The following MECR variants were observed in gnomAD, a reference collection of about 807,000 sequenced individuals.
MECR encodes enoyl-[acyl-carrier-protein] reductase, mitochondrial.
MECR carries 37 observed loss-of-function variants against 49.1 expected under a neutral mutation model. The ratio of observed to expected loss-of-function variants is 0.75; its 90% CI spans 0.58 to 0.99. The LOEUF (loss-of-function observed/expected upper bound fraction) is 0.99. MECR is among the 50% of genes least tolerant of loss of function. MECR has a pLI of 0.00. For synonymous variants in MECR, 198 were observed against 191.1 expected (o/e 1.04, Z -0.30); for missense variants, 470 against 479.6 (o/e 0.98, Z 0.19).
At chr1:29,174,877 T>C in the MECR span, among the ~76,000 whole-genome samples, 1 of 151,562 alleles carries the variant, frequency 6.6e-6, no homozygotes, top group Non-Finnish European at 1.5e-5. Context: ...TTTCACCATG[T>C]TGGCCAGGAT....
chr1:29,197,331 T>A (rs1171795053), intron 7 of MECR, among the ~76,000 whole-genome samples: 1 of 152,098 alleles, frequency 6.6e-6, no homozygotes, highest in African/African-American at 2.4e-5. Flanking sequence ...AGAATCAACG[T>A]GAGGAAACAG....
rs759499131 is a variant in MECR, at chr1:29,230,825, C to T, written c.82G>A (p.Gly28Arg). 4 of 1,608,102 alleles carry T rather than the reference C, an allele frequency of 2.5e-6. No homozygotes were observed. The East Asian group carries it at 6.7e-5, about 27-fold the overall frequency. ...RGLLPASGCH[G>R]PAASSYSASA... ...GCGGAGTAGGAGGAGGCGGCAGGTC[C>T]GTGACAGCCAGAAGCTGGGAGCAGC... Residue 28 changes from glycine (G) to arginine (R), a missense_variant, in exon 1 of 10, where the codon GGA becomes AGA. Gly to Arg is a moderately radical substitution (Grantham distance 125). Coordinates refer to ENST00000263702, the MANE Select transcript of MECR (RefSeq NM_016011.5).
At chr1:29,216,450 A>ACAGC (rs1679429450) in intron 2 of MECR, 138 bp downstream of exon 2, 2 of 932,494 alleles carry the variant, frequency 2.1e-6, no homozygotes, top group Admixed American at 3.9e-5. Flanking sequence ...CAGGGCTGAC[A>ACAGC]CAGCCTGCAG....
the MECR span, among the ~76,000 whole-genome samples, chr1:29,183,041 G>C: frequency 1.3e-3 from 199 of 152,218 alleles, no homozygotes; most frequent in Non-Finnish European, 2.1e-3. Context: ...TTCTTTGCTT[G>C]TTTTTGTTTT....
rs181349583 is a variant in MECR, at chr1:29,199,473, C to T, written c.830+1043G>A. Among the ~76,000 whole-genome samples, 323 of 151,758 alleles carry T rather than the reference C, an allele frequency of 2.1e-3. 2 individuals are homozygous for T. The highest frequency in any genetic ancestry group is 7.1e-3 in the African/African-American group (295 of 41,414). Reference sequence around the variant, plus strand: ...CGATCTCCTGATCTCGTGATCTGCCCGCCTCAGCCTCCCAAAGTGCTGGGA... The same window carrying T: ...CGATCTCCTGATCTCGTGATCTGCCTGCCTCAGCCTCCCAAAGTGCTGGGA... On this transcript the variant is annotated intron_variant, in intron 7 of 9. Coordinates refer to ENST00000263702, the MANE Select transcript of MECR (RefSeq NM_016011.5).
At chr1:29,203,870 G>A (rs540527041) in intron 4 of MECR, among the ~76,000 whole-genome samples, 4 of 152,326 alleles carry the variant, frequency 2.6e-5, no homozygotes, top group African/African-American at 7.2e-5. Context: ...TTACAGCTGC[G>A]CTGGAGAAAC....
chr1:29,216,715 T>C (rs759786126), intron 1 of MECR, 30 bp from the exon 2 acceptor site: 20 of 1,614,042 alleles, frequency 1.2e-5, no homozygotes, highest in Non-Finnish European at 1.5e-5. Flanking sequence ...GAGATGTTCA[T>C]GTCATCCAGG....
chr1:29,230,543 C>T (rs1683166235), intron 1 of MECR, 188 bp downstream of exon 1: 2 of 620,420 alleles, frequency 3.2e-6, no homozygotes, highest in East Asian at 5.8e-5. Context: ...TGATAATTGC[C>T]TCTCGGGTCT....
the MECR span, chr1:29,170,917 G>A: frequency 1.3e-5 from 2 of 152,124 alleles, no homozygotes; most frequent in East Asian, 3.8e-4. Context: ...TGCCTTTCAA[G>A]CGCTTCTTCA....
rs764201787 is a variant in MECR, at chr1:29,192,712, C to T, written c.*1310G>A. On this transcript the variant is annotated 3_prime_UTR_variant, in exon 10 of 10. Transcript: ENST00000263702. ...TCGTGAAGCAAATACCAAAAAGTCA[C>T]GTCAAGCTCTTCTCTCGGCCTGAAT... Among the ~76,000 whole-genome samples the T allele has an allele frequency of 4.6e-5, 7 of 152,118 alleles. No homozygotes were observed. The highest frequency in any genetic ancestry group is 1.4e-4 in the African/African-American group (6 of 41,414).
At position 29,230,873 on chromosome 1, in the gene MECR, T is replaced by G. The variant is rs1239166497; in HGVS notation, c.34A>C (p.Thr12Pro). 5.6e-6 allele frequency: 9 copies of G among 1,605,660 alleles called. No homozygotes were observed. The highest frequency in any genetic ancestry group is 5.1e-6 in the Non-Finnish European group (6 of 1,178,712). ...AGCCCCCGCCACTGCCGGGCGGGGG[T>G]TCGCACCCGCCACAGGGTACTGCAG... ...WVCSTLWRVR[T>P]PARQWRGLLP... is the part of the protein sequence containing the mutation. The change falls in exon 1 of 10, where the codon ACC becomes CCC. Residue 12 changes from threonine to proline, a missense_variant. By Grantham distance (38) the Thr-to-Pro change is conservative. Coordinates refer to ENST00000263702, the MANE Select transcript of MECR (RefSeq NM_016011.5).
chr1:29,223,163 A>G (rs537504589), intron 1 of MECR: 1 of 985,408 alleles, frequency 1.0e-6, no homozygotes, highest in South Asian at 4.7e-5. Context: ...CGTGAATGTA[A>G]TGGCGCCATG....
At position 29,202,060 on chromosome 1, in the gene MECR, T is replaced by C. The variant is rs1350284329; in HGVS notation, c.654-15A>G. 3 of 1,609,324 alleles carry C rather than the reference T, an allele frequency of 1.9e-6. No homozygotes were observed. Among genetic ancestry groups the C allele is most frequent in the Non-Finnish European group, 2.6e-6 (3 of 1,175,920 alleles). ...GGATATCAGGTCTGGAAACCAAACA[T>C]AGGTCCCTGGTCACATCTGCCAGCT... is the stretch of plus-strand genomic sequence containing the variant. On this transcript the variant is annotated splice_polypyrimidine_tract_variant and intron_variant, in intron 5 of 9. Coordinates refer to ENST00000263702, the MANE Select transcript of MECR (RefSeq NM_016011.5).
intron 2 of MECR, 126 bp from the exon 3 acceptor site, chr1:29,216,262 T>G (rs1453847388): frequency 9.0e-7 from 1 of 1,111,768 alleles, no homozygotes; most frequent in East Asian, 2.4e-5. Flanking sequence ...AACCAACCTC[T>G]GAGCCTTAGC....
chr1:29,175,019 AGTGCGTGCGTG>A, the MECR span, among the ~76,000 whole-genome samples: 8 of 151,700 alleles, frequency 5.3e-5, no homozygotes, highest in Admixed American at 6.6e-5. Flanking sequence ...AGAGAGACAG[AGTGCGTGCGTG>A]CACATGCCCA....
At chr1:29,180,497 T>C in the MECR span, among the ~76,000 whole-genome samples, 22 of 152,374 alleles carry the variant, frequency 1.4e-4, no homozygotes, top group African/African-American at 5.3e-4. Context: ...ACCAGTTTTC[T>C]CATACGTGAA....
At chr1:29,180,220 A>G in the MECR span, among the ~76,000 whole-genome samples, 1 of 152,220 alleles carries the variant, frequency 6.6e-6, no homozygotes, top group East Asian at 1.9e-4. Context: ...CACAAAAGTT[A>G]GTTATGCTGT....
At chr1:29,171,770 G>A in the MECR span, 1 of 152,066 alleles carries the variant, frequency 6.6e-6, no homozygotes, top group African/African-American at 2.4e-5. Flanking sequence ...TTTTATTACC[G>A]AGTCTATATC....
intron 1 of MECR, among the ~76,000 whole-genome samples, chr1:29,220,032 C>T (rs1680377711): frequency 6.6e-6 from 1 of 152,054 alleles, no homozygotes; most frequent in African/African-American, 2.4e-5. Flanking sequence ...AAGTTTTAGT[C>T]TTAACTCACT....
Sources: allele counts gnomAD v4.1 joint callset (sites outside exome capture counted in the v4.1 genomes callset), GRCh38; gene constraint gnomAD v4.1.1; transcripts MANE v1.5; gene names NCBI Gene and HGNC (gene_info 2026-07-23, HGNC 2026-07-21).